Variants in NRXN1 observed in about 807,000 individuals in gnomAD.
The protein encoded by NRXN1 is neurexin 1.
Under a neutral mutation model 150.9 loss-of-function variants are expected in NRXN1, and 39 were observed. That is an observed-to-expected ratio of 0.26 (90% CI 0.20 to 0.34). The LOEUF (loss-of-function observed/expected upper bound fraction) is 0.34, where lower values mean the gene tolerates loss of function less well. Ranked by LOEUF, NRXN1 falls within the 10% of genes least tolerant of loss-of-function variation. NRXN1 has a pLI of 1.00. For synonymous variants in NRXN1, 924 were observed against 757.0 expected, an observed-to-expected ratio of 1.22 and a Z score of -3.62; for missense variants, 1,815 against 1,949.9, an observed-to-expected ratio of 0.93 and a Z score of 1.30.
chr2:50,936,706 G>A (rs112512225), intron 2 of NRXN1, among the ~76,000 whole-genome samples: 2,285 of 152,016 alleles, frequency 0.015, 67 homozygotes, highest in African/African-American at 0.051. Flanking sequence ...AAGTGTCATC[G>A]TTTTTTTAAT....
chr2:50,302,250 T>A (rs1235541025), intron 17 of NRXN1, among the ~76,000 whole-genome samples: 1 of 152,176 alleles, frequency 6.6e-6, no homozygotes, highest in African/African-American at 2.4e-5. Context: ...AGTTTCTTTT[T>A]TGCAGAGATT....
At chr2:50,469,472 A>G (rs1053405569) in intron 16 of NRXN1, among the ~76,000 whole-genome samples, 1 of 151,656 alleles carries the variant, frequency 6.6e-6, no homozygotes, top group African/African-American at 2.4e-5. Context: ...GTTATACCAA[A>G]CATATGCTAA....
chr2:50,252,270 T>G lies in NRXN1; in HGVS notation c.3365-15300A>C, dbSNP rs1357818584. Among the ~76,000 whole-genome samples the G allele has an allele frequency of 4.9e-3, 696 of 140,828 alleles. 2 individuals are homozygous for G. Among genetic ancestry groups the G allele is most frequent in the African/African-American group, 0.017 (667 of 38,124 alleles). The allele number at this position is 140,828 out of a possible 152,430, so 92.4% of individuals were successfully genotyped here. ...TCTTTTTTCTTTTCTTTTTTTTTTTTTTTTTTTGAGACAGAGTATCCCTCT... is the reference window on the plus strand; with the variant it reads ...TCTTTTTTCTTTTCTTTTTTTTTTTGTTTTTTTGAGACAGAGTATCCCTCT... On this transcript the variant is annotated intron_variant, in intron 17 of 22. Transcript: ENST00000401669.
chr2:50,078,241 A>T (rs773613776), intron 19 of NRXN1, among the ~76,000 whole-genome samples: 4 of 151,944 alleles, frequency 2.6e-5, no homozygotes, highest in Admixed American at 2.0e-4. Context: ...ACATGTCAAA[A>T]TTTTTTTTAA....
chr2:50,072,691 C>A (rs865887353), intron 19 of NRXN1, among the ~76,000 whole-genome samples: 1 of 151,634 alleles, frequency 6.6e-6, no homozygotes, highest in South Asian at 2.1e-4. Flanking sequence ...CATTGTTGTG[C>A]TTTTTCTTTG....
chr2:50,201,240 T>C (rs1018626511), intron 18 of NRXN1, among the ~76,000 whole-genome samples: 61 of 152,238 alleles, frequency 4.0e-4, no homozygotes, highest in East Asian at 3.9e-4. Context: ...AATAATAAAA[T>C]AGTTCAAGTG....
At chr2:50,351,666 CTT>C (rs535506796) in intron 17 of NRXN1, among the ~76,000 whole-genome samples, 280 of 152,158 alleles carry the variant, frequency 1.8e-3, no homozygotes, top group African/African-American at 6.7e-3. Context: ...AAAACTAACA[CTT>C]ATTTCTAGCA....
At position 50,098,830 on chromosome 2, in the gene NRXN1, G is replaced by GTTTTTTTTTTTTTTTTTTTTTTT. The variant is rs746736925; in HGVS notation, c.3547-7359_3547-7337dup. 1.9e-4 allele frequency among the ~76,000 whole-genome samples: 20 copies of GTTTTTTTTTTTTTTTTTTTTTTT among 105,556 alleles called. 2 individuals carry two copies. The highest frequency in any genetic ancestry group is 6.9e-4 in the South Asian group (2 of 2,904). 69.2% of individuals were successfully genotyped at this position (105,556 alleles called of 152,430 possible). A position where few individuals can be genotyped will look rare whatever the true frequency, so the allele number is the denominator to read the frequency against. On this transcript the variant is annotated intron_variant, in intron 18 of 22. Transcript: ENST00000401669. ...GTGCATGGTTTTGTTTTTGGTTTTAGTTTTTTTTTTTTTTTTTTTTTTTTT... is the reference window on the plus strand; with the variant it reads ...GTGCATGGTTTTGTTTTTGGTTTTAGTTTTTTTTTTTTTTTTTTTTTTTTTTTTTTTTTTTTTTTTTTTTTTTT...
intron 2 of NRXN1, among the ~76,000 whole-genome samples, chr2:51,020,801 A>T (rs1309060317): frequency 6.6e-6 from 1 of 152,012 alleles, no homozygotes; most frequent in East Asian, 1.9e-4. Context: ...ATTCCAAACC[A>T]TGTTCTGTTT....
chr2:50,637,841 T>C (rs1202578576), intron 5 of NRXN1, among the ~76,000 whole-genome samples: 1 of 151,914 alleles, frequency 6.6e-6, no homozygotes, highest in African/African-American at 2.4e-5. Context: ...TAACACCTGG[T>C]ATGGTCCACA....
At chr2:50,923,458 T>C in intron 3 of NRXN1, 1 of 284,416 alleles carries the variant, frequency 3.5e-6, no homozygotes, top group South Asian at 3.3e-5. Flanking sequence ...AAGGAATTCT[T>C]TAAAGGACAT....
intron 15 of NRXN1, among the ~76,000 whole-genome samples, chr2:50,484,211 G>C (rs990892194): frequency 5.9e-5 from 9 of 152,264 alleles, no homozygotes; most frequent in African/African-American, 2.2e-4. Flanking sequence ...AAAATATTAT[G>C]AGCTTCCTGG....
intron 2 of NRXN1, among the ~76,000 whole-genome samples, chr2:51,015,169 GTGTC>G (rs1351704568): frequency 2.6e-5 from 4 of 151,892 alleles, no homozygotes; most frequent in African/African-American, 7.3e-5. Flanking sequence ...ACTCTTCTCT[GTGTC>G]TGTCTGTCTC....
chr2:50,504,149 A>AAAAAAT (rs1207917750), intron 13 of NRXN1, among the ~76,000 whole-genome samples: 1 of 151,342 alleles, frequency 6.6e-6, no homozygotes, highest in African/African-American at 2.4e-5. Context: ...CTAAAAAAAA[A>AAAAAAT]AAAAAAAAAA....
intron 8 of NRXN1, among the ~76,000 whole-genome samples, chr2:50,584,018 G>C (rs7566121): frequency 0.016 from 2,387 of 152,212 alleles, 41 homozygotes; most frequent in Middle Eastern, 0.051. Context: ...CAAGAGTCTA[G>C]TGATCTTTTT....
At chr2:50,742,640 G>C (rs1699566498) in intron 5 of NRXN1, among the ~76,000 whole-genome samples, 1 of 150,344 alleles carries the variant, frequency 6.7e-6, no homozygotes, top group African/African-American at 2.4e-5. Context: ...AGAAACCCAA[G>C]TCTATATGAT....
intron 17 of NRXN1, among the ~76,000 whole-genome samples, chr2:50,420,722 C>A (rs1024395187): frequency 2.0e-5 from 3 of 151,978 alleles, no homozygotes; most frequent in Non-Finnish European, 4.4e-5. Flanking sequence ...TTCGTAATTT[C>A]CTTGTTCATA....
chr2:50,553,191 A>T (rs990367654), intron 8 of NRXN1, among the ~76,000 whole-genome samples, 166 bp from the exon 9 acceptor site: 2 of 152,238 alleles, frequency 1.3e-5, no homozygotes, highest in Admixed American at 6.5e-5. Context: ...TCAAGTGTCA[A>T]TTCATAGAAC....
chr2:50,142,220 A>C (rs766820918), intron 18 of NRXN1, among the ~76,000 whole-genome samples: 3 of 152,020 alleles, frequency 2.0e-5, no homozygotes, highest in Non-Finnish European at 2.9e-5. Context: ...GACAAATATC[A>C]CATGTTCTCA....
Sources: allele counts gnomAD v4.1 joint callset (sites outside exome capture counted in the v4.1 genomes callset), GRCh38; gene constraint gnomAD v4.1.1; transcripts MANE v1.5; gene names NCBI Gene and HGNC (gene_info 2026-07-23, HGNC 2026-07-21).